ZNF250: variants seen among roughly 807,000 people sequenced by gnomAD.
ZNF250 encodes zinc finger protein (clone 647).
A neutral mutation model predicts 37.1 loss-of-function variants in ZNF250; 13 were observed. That is an observed-to-expected ratio of 0.35 (90% CI 0.23 to 0.56). The LOEUF is 0.56. Among genes scored for constraint, ZNF250 ranks in the 20% least tolerant of loss-of-function variants. The pLI is 0.87. For missense variants in ZNF250, 474 were observed against 697.9 expected, an observed-to-expected ratio of 0.68 and a Z score of 3.61; for synonymous variants, 251 against 265.6, an observed-to-expected ratio of 0.94 and a Z score of 0.54.
chr8:144,888,799 AG>A (rs1324129022), intron 4 of ZNF250, among the ~76,000 whole-genome samples: 1 of 151,904 alleles, frequency 6.6e-6, no homozygotes, highest in African/African-American at 2.4e-5. Flanking sequence ...CCCAGGCTGG[AG>A]TGCAGTGGAG....
rs1159522276 is a variant in ZNF250 at position 144,878,795 on chromosome 8, A to G, written c.*2720T>C. 1 of 152,214 alleles carries G rather than the reference A, an allele frequency of 6.6e-6. No homozygotes were observed. Among genetic ancestry groups the G allele is most frequent in the Non-Finnish European group, 1.5e-5 (1 of 68,036 alleles). The allele number at this position is 152,214 out of a possible 1,614,324, so 9.4% of individuals were successfully genotyped here. ...TCAGCTTCTCTGAAGAATTACCTCAATGATCTAATCTCTAAAGTAATACCT... is the reference window on the plus strand; with the variant it reads ...TCAGCTTCTCTGAAGAATTACCTCAGTGATCTAATCTCTAAAGTAATACCT... On this transcript the variant is annotated 3_prime_UTR_variant, in exon 6 of 6. Transcript: ENST00000417550.
chr8:144,881,932 G>T lies in ZNF250; in HGVS notation c.1251C>A (p.Pro417=). The T allele has an allele frequency of 6.2e-7, 1 of 1,613,714 alleles. No individual in the cohort carries two copies. Among genetic ancestry groups the T allele is most frequent in the Non-Finnish European group, 8.5e-7 (1 of 1,179,924 alleles). The stretch of plus-strand genomic sequence containing the variant: ...CCTTCCCACATTCGTAGCATGCATA[G>T]GGCTTTTCCTCGGTGTGGATCCGCT... ...NHERIHTEEK[P]YACYECGKAF... Residue 417 remains proline (P), a synonymous_variant, in exon 6 of 6, where the codon CCC becomes CCA. Transcript: ENST00000417550.
At chr8:144,883,998 C>T (rs918855328) in intron 5 of ZNF250, among the ~76,000 whole-genome samples, 16 of 152,152 alleles carry the variant, frequency 1.1e-4, no homozygotes, top group Admixed American at 3.3e-4. Flanking sequence ...CCGCCTTTGC[C>T]TCCCAAAGTG....
chr8:144,887,251 TCAAA>T (rs1831956079), intron 4 of ZNF250, among the ~76,000 whole-genome samples: 1 of 27,890 alleles, frequency 3.6e-5, no homozygotes, highest in South Asian at 1.4e-3. Flanking sequence ...ACTCCGTCTC[TCAAA>T]AAAAAAAAAA....
intron 5 of ZNF250, 25 bp downstream of exon 5, chr8:144,886,815 T>A (rs1188190641): frequency 1.5e-5 from 24 of 1,605,508 alleles, no homozygotes; most frequent in Non-Finnish European, 1.9e-5. Flanking sequence ...TTGTACTGAA[T>A]TAAAAAGATC....
At position 144,877,710 on chromosome 8, in the gene ZNF250, G is replaced by A. The variant is rs1024534687; in HGVS notation, c.*3805C>T. 1.2e-4 allele frequency: 18 copies of A among 152,166 alleles called. No individual in the cohort carries two copies. Among genetic ancestry groups the A allele is most frequent in the African/African-American group, 3.4e-4 (14 of 41,432 alleles). 9.4% of individuals were successfully genotyped at this position (152,166 alleles called of 1,614,324 possible). ...CTGCATTCTCACCAGTGGATCAATG[G>A]CAGCCTGACATAGCAAGAACAGGCA... is the stretch of plus-strand genomic sequence containing the variant. On this transcript the variant is annotated 3_prime_UTR_variant, in exon 6 of 6. Coordinates refer to ENST00000417550, the MANE Select transcript of ZNF250 (RefSeq NM_001109689.4).
Position 144,880,397 on chromosome 8 carries a change from G to C in ZNF250, c.*1118C>G, listed in dbSNP as rs574024036. 121 of 456,688 alleles carry C rather than the reference G, an allele frequency of 2.6e-4. 2 individuals carry two copies. The highest frequency in any genetic ancestry group is 1.9e-3 in the South Asian group (121 of 64,564). 28.3% of individuals were successfully genotyped at this position (456,688 alleles called of 1,614,324 possible). Reference sequence around the variant, plus strand: ...AACAGCTATGAGGTCTGCTGAGTGTGAAGCTCCCCTCCTTTGCCTGCATGG... The same window carrying C: ...AACAGCTATGAGGTCTGCTGAGTGTCAAGCTCCCCTCCTTTGCCTGCATGG... On this transcript the variant is annotated 3_prime_UTR_variant, in exon 6 of 6. Coordinates refer to ENST00000417550, the MANE Select transcript of ZNF250 (RefSeq NM_001109689.4).
chr8:144,892,084 T>G (rs1439352514), intron 1 of ZNF250, among the ~76,000 whole-genome samples: 1 of 152,200 alleles, frequency 6.6e-6, no homozygotes, highest in African/African-American at 2.4e-5. Flanking sequence ...ATAAACTAAC[T>G]GCCTGCCTCT....
intron 3 of ZNF250, 79 bp from the exon 4 acceptor site, chr8:144,889,773 A>T: frequency 2.7e-6 from 4 of 1,501,022 alleles, no homozygotes; most frequent in Non-Finnish European, 3.6e-6. Context: ...TTGTGGGGAC[A>T]TGAAAATGGA....
At chr8:144,901,761 C>G (rs1833124213), upstream of ZNF250, 1 of 152,876 alleles carries the variant, frequency 6.5e-6, no homozygotes, top group Non-Finnish European at 1.5e-5. This position sits in a 1 kb window ranked among gnomAD's most constrained non-coding sequence, Gnocchi z 5.4. Context: ...GCTCGCAGTC[C>G]CGGTTCCCGA....
rs528851548 is a variant in ZNF250, at chr8:144,877,083, A to G, written c.*4432T>C. 6.6e-6 allele frequency: 1 copy of G among 152,384 alleles called. No individual in the cohort carries two copies. Among genetic ancestry groups the G allele is most frequent in the South Asian group, 2.1e-4 (1 of 4,830 alleles). The allele number at this position is 152,384 out of a possible 1,614,324, so 9.4% of individuals were successfully genotyped here. On this transcript the variant is annotated 3_prime_UTR_variant, in exon 6 of 6. Transcript: ENST00000417550. ...TTTCAAATTCTTAATAGCTGTTAGA[A>G]GAAACAATTTTAAAAGAAATATATA... is the stretch of plus-strand genomic sequence containing the variant.
At chr8:144,902,169 C>CTGGTGTTT (rs1833141547), upstream of ZNF250, 1 of 152,372 alleles carries the variant, frequency 6.6e-6, no homozygotes, top group African/African-American at 2.4e-5. Flanking sequence ...CCACTCGGCC[C>CTGGTGTTT]TGGTGTTTGC....
At position 144,878,829 on chromosome 8, in the gene ZNF250, C is replaced by T. The variant is rs1831276515; in HGVS notation, c.*2686G>A. 6.6e-6 allele frequency: 1 copy of T among 152,138 alleles called. No homozygotes were observed. Among genetic ancestry groups the T allele is most frequent in the South Asian group, 2.1e-4 (1 of 4,832 alleles). 9.4% of individuals were successfully genotyped at this position (152,138 alleles called of 1,614,324 possible). On this transcript the variant is annotated 3_prime_UTR_variant, in exon 6 of 6. Coordinates refer to ENST00000417550, the MANE Select transcript of ZNF250 (RefSeq NM_001109689.4). ...TCTCTAAAGTAATACCTTAGTGATC[C>T]CATTTCCGTTATTTCAGCTCCTCTG...
rs979161871 is a variant in ZNF250, at chr8:144,897,490, G to A, written c.-55+3909C>T. Among the ~76,000 whole-genome samples the A allele has an allele frequency of 6.6e-6, 1 of 152,170 alleles. No individual in the cohort carries two copies. The highest frequency in any genetic ancestry group is 2.4e-5 in the African/African-American group (1 of 41,434). On this transcript the variant is annotated intron_variant, in intron 1 of 5. Transcript: ENST00000417550. This position sits in a 1 kb window ranked among gnomAD's most constrained non-coding sequence, Gnocchi z 5.2. ...ATGTATCCAAATTGATAGCTTTCTG[G>A]TCGGGCACAGTGGCTCATGCCTGTA... is the stretch of plus-strand genomic sequence containing the variant.
chr8:144,889,499 G>A (rs888226021), intron 4 of ZNF250, 82 bp downstream of exon 4: 18 of 1,118,776 alleles, frequency 1.6e-5, no homozygotes, highest in African/African-American at 6.2e-5. Flanking sequence ...TCCAGTGAGC[G>A]GCACAGTATG....
intron 1 of ZNF250, among the ~76,000 whole-genome samples, chr8:144,899,625 G>T (rs1832973093): frequency 6.6e-6 from 1 of 152,166 alleles, no homozygotes; most frequent in Admixed American, 6.5e-5. Context: ...GAGCTCCACA[G>T]ATCTGCAGCT....
At position 144,891,498 on chromosome 8, in the gene ZNF250, C is replaced by G. The variant is rs1461470387; in HGVS notation, c.-54-1095G>C. On this transcript the variant is annotated intron_variant, in intron 1 of 5. Transcript: ENST00000417550. This position sits in a 1 kb window ranked among gnomAD's most constrained non-coding sequence, Gnocchi z 4.0. ...TGGGAGGGTGAGGCAGGCACATCAC[C>G]GGAGGTCAGGAGTTTGAGACCAGCC... Among the ~76,000 whole-genome samples, 1 of 152,116 alleles carries G rather than the reference C, an allele frequency of 6.6e-6. No homozygotes were observed. The highest frequency in any genetic ancestry group is 6.6e-5 in the Admixed American group (1 of 15,262).
rs949884527 is a variant in ZNF250 at position 144,890,720 on chromosome 8, C to T, written c.-54-317G>A. 2.5e-4 allele frequency among the ~76,000 whole-genome samples: 38 copies of T among 152,166 alleles called. 1 individual carries two copies. The highest frequency in any genetic ancestry group is 5.9e-5 in the Non-Finnish European group (4 of 68,022). On this transcript the variant is annotated intron_variant, in intron 1 of 5. Coordinates refer to ENST00000417550, the MANE Select transcript of ZNF250 (RefSeq NM_001109689.4). The surrounding 1 kb of genome is among the most constrained non-coding windows in gnomAD (Gnocchi z 5.1). ...CATGGTCCTGCCATACACAAGGATACCAGCTCACCAAGGCTCTGTGTGTTC... is the reference window on the plus strand; with the variant it reads ...CATGGTCCTGCCATACACAAGGATATCAGCTCACCAAGGCTCTGTGTGTTC...
chr8:144,882,871 C>A lies in ZNF250; in HGVS notation c.347-35G>T. 1 of 1,567,770 alleles carries A rather than the reference C, an allele frequency of 6.4e-7. No individual in the cohort carries two copies. The highest frequency in any genetic ancestry group is 8.6e-7 in the Non-Finnish European group (1 of 1,158,636). ...CAAATCCAAAATGAAAATGTTAACA[C>A]TACTCAAAACTGAAGAGCTAGTGCA... On this transcript the variant is annotated intron_variant, in intron 5 of 5. Coordinates refer to ENST00000417550, the MANE Select transcript of ZNF250 (RefSeq NM_001109689.4). This position sits in a 1 kb window ranked among gnomAD's most constrained non-coding sequence, Gnocchi z 5.5.
Sources: gnomAD v4.1 joint callset for allele counts (sites outside exome capture counted in the v4.1 genomes callset) on GRCh38, gnomAD v4.1.1 for gene constraint, Gnocchi (gnomAD v3.1) non-coding constraint, MANE v1.5 for transcripts, NCBI Gene and HGNC (gene_info 2026-07-23, HGNC 2026-07-21) for gene names.